INPP4B: variants seen among roughly 807,000 people sequenced by gnomAD.
INPP4B encodes the protein inositol polyphosphate-4-phosphatase type II B, also known as inositol polyphosphate 4-phosphatase type II.
In INPP4B, 55 loss-of-function variants were observed where a neutral mutation model predicts 122.5. The observed-to-expected ratio is 0.45, with a 90% CI of 0.36 to 0.56. The LOEUF is 0.56. Ranked by LOEUF, INPP4B falls within the 20% of genes least tolerant of loss-of-function variation. The probability of loss-of-function intolerance (pLI) is 0.00; values close to 1 mark genes in which losing one functional copy is unlikely to be tolerated. For synonymous variants in INPP4B, 403 were observed against 388.7 expected (o/e 1.04, Z -0.43); for missense variants, 1,000 against 1,097.7 (o/e 0.91, Z 1.26).
chr4:142,098,771 A>G (rs1413229116), intron 23 of INPP4B, among the ~76,000 whole-genome samples: 2 of 152,156 alleles, frequency 1.3e-5, no homozygotes, highest in African/African-American at 4.8e-5. Context: ...AACAAAGATT[A>G]AGGTGTTAAG....
intron 7 of INPP4B, among the ~76,000 whole-genome samples, chr4:142,357,486 A>G (rs1186493075): frequency 1.3e-5 from 2 of 151,972 alleles, no homozygotes; most frequent in Non-Finnish European, 2.9e-5. Context: ...TTTCCCATAT[A>G]TTTACATGGC....
Position 142,640,778 on chromosome 4 carries a change from C to CA in INPP4B, c.-191+85060dup, listed in dbSNP as rs199853133. Among the ~76,000 whole-genome samples, 284 of 142,416 alleles carry CA rather than the reference C, an allele frequency of 2.0e-3. 2 individuals carry two copies. The highest frequency in any genetic ancestry group is 0.017 in the East Asian group (84 of 4,888). 93.4% of individuals were successfully genotyped at this position (142,416 alleles called of 152,430 possible). On this transcript the variant is annotated intron_variant, in intron 2 of 25. Coordinates refer to ENST00000262992, the MANE Select transcript of INPP4B (RefSeq NM_001101669.3). Reference sequence around the variant, plus strand: ...GTCAAGGGACTTTGAAAAGCATTTTCAAAAAAAAAAGATAGCCAAATTGTC... The same window carrying CA: ...GTCAAGGGACTTTGAAAAGCATTTTCAAAAAAAAAAAGATAGCCAAATTGTC...
intron 2 of INPP4B, among the ~76,000 whole-genome samples, chr4:142,701,363 G>A (rs1021567171): frequency 2.0e-5 from 3 of 151,930 alleles, no homozygotes; most frequent in Admixed American, 2.0e-4. Flanking sequence ...AATGAGGAAG[G>A]TCAACTCTAA....
In INPP4B at chr4:142,698,896, C is replaced by T. The variant is rs181320310; in HGVS notation, c.-191+26943G>A. On this transcript the variant is annotated intron_variant, in intron 2 of 25. Coordinates refer to ENST00000262992, the MANE Select transcript of INPP4B (RefSeq NM_001101669.3). ...GAAGACACTTTTCTCCACTCTAGCTCAATAATTTTTTACTCCTACCCCTTC... is the reference window on the plus strand; with the variant it reads ...GAAGACACTTTTCTCCACTCTAGCTTAATAATTTTTTACTCCTACCCCTTC... 1.1e-3 allele frequency among the ~76,000 whole-genome samples: 166 copies of T among 152,274 alleles called. 2 individuals are homozygous for T. Among genetic ancestry groups the T allele is most frequent in the African/African-American group, 3.9e-3 (164 of 41,542 alleles).
chr4:142,042,538 GTATGTATGTATGTATGTATGTATT>G (rs1259157852), intron 25 of INPP4B, among the ~76,000 whole-genome samples: 17,818 of 113,936 alleles, frequency 0.16, 1,424 homozygotes, highest in Non-Finnish European at 0.24. Flanking sequence ...ATGTATGTAT[GTATGTATGTATGTATGTATGTATT>G]TATTTATTTA....
intron 12 of INPP4B, among the ~76,000 whole-genome samples, chr4:142,209,887 T>C (rs1262971585): frequency 2.0e-5 from 3 of 149,172 alleles, no homozygotes; most frequent in Non-Finnish European, 4.4e-5. Flanking sequence ...AAAAGGACAA[T>C]GTATGAAACT....
At chr4:142,710,259 G>T (rs1157380410) in intron 2 of INPP4B, among the ~76,000 whole-genome samples, 4 of 152,128 alleles carry the variant, frequency 2.6e-5, no homozygotes, top group Non-Finnish European at 5.9e-5. Flanking sequence ...GAATACATTT[G>T]GATTAGCTTT....
chr4:142,684,735 G>A (rs77780628), intron 2 of INPP4B, among the ~76,000 whole-genome samples: 2,586 of 152,028 alleles, frequency 0.017, 32 homozygotes, highest in Non-Finnish European at 0.031. Context: ...ATATTTAGCC[G>A]CAGCCATTTC....
chr4:142,640,681 T>G (rs1306512941), intron 2 of INPP4B, among the ~76,000 whole-genome samples: 1 of 151,888 alleles, frequency 6.6e-6, no homozygotes, highest in African/African-American at 2.4e-5. Flanking sequence ...GTCAGAAAGC[T>G]AGATAAGACA....
intron 10 of INPP4B, among the ~76,000 whole-genome samples, chr4:142,269,983 T>C (rs1744964342): frequency 6.6e-6 from 1 of 152,162 alleles, no homozygotes; most frequent in African/African-American, 2.4e-5. Context: ...AACAGGCAAT[T>C]GCATTCCTAA....
At chr4:142,786,070 G>T (rs1252735605) in intron 1 of INPP4B, among the ~76,000 whole-genome samples, 1 of 152,048 alleles carries the variant, frequency 6.6e-6, no homozygotes, top group African/African-American at 2.4e-5. Context: ...TCTGTCAACT[G>T]AGAGGACCTA....
At chr4:142,449,709 AAAAG>A (rs1299908926) in intron 3 of INPP4B, among the ~76,000 whole-genome samples, 3 of 152,146 alleles carry the variant, frequency 2.0e-5, no homozygotes, top group Non-Finnish European at 4.4e-5. Context: ...AAAAAAAAAA[AAAAG>A]AAAGTACATT....
At chr4:142,688,424 T>C (rs899748534) in intron 2 of INPP4B, among the ~76,000 whole-genome samples, 1 of 152,148 alleles carries the variant, frequency 6.6e-6, no homozygotes, top group Non-Finnish European at 1.5e-5. Flanking sequence ...CTTCCCATAA[T>C]ACTTTTCTCT....
At chr4:142,249,155 G>A (rs545713052) in intron 11 of INPP4B, among the ~76,000 whole-genome samples, 18 of 152,162 alleles carry the variant, frequency 1.2e-4, no homozygotes, top group African/African-American at 4.3e-4. Context: ...CCTCATCTTT[G>A]TTTGGATTCC....
chr4:142,577,364 C>T (rs551864789), intron 2 of INPP4B, among the ~76,000 whole-genome samples: 1 of 151,912 alleles, frequency 6.6e-6, no homozygotes, highest in African/African-American at 2.4e-5. Context: ...CAGTAAGATA[C>T]CATTGTATGT....
chr4:142,465,388 A>C (rs749774087), intron 2 of INPP4B, among the ~76,000 whole-genome samples: 1 of 152,222 alleles, frequency 6.6e-6, no homozygotes, highest in Non-Finnish European at 1.5e-5. Flanking sequence ...GTTATTTAAC[A>C]TTTATCATTA....
chr4:142,432,877 A>G (rs537503073), intron 3 of INPP4B, among the ~76,000 whole-genome samples: 10 of 152,296 alleles, frequency 6.6e-5, no homozygotes, highest in Non-Finnish European at 1.3e-4. Context: ...ATCGGTGAAT[A>G]ATTAATGAAA....
intron 11 of INPP4B, among the ~76,000 whole-genome samples, chr4:142,257,201 T>C (rs1736684830): frequency 6.6e-6 from 1 of 152,218 alleles, no homozygotes; most frequent in Admixed American, 6.5e-5. Context: ...TGACGGGACG[T>C]ATCTCAAAAT....
chr4:142,312,822 C>A (rs1290924042), intron 8 of INPP4B, among the ~76,000 whole-genome samples: 1 of 152,126 alleles, frequency 6.6e-6, no homozygotes, highest in Non-Finnish European at 1.5e-5. Flanking sequence ...ATATCTATAC[C>A]TGTGCCCATC....
Sources: gnomAD v4.1 joint callset for allele counts (sites outside exome capture counted in the v4.1 genomes callset) on GRCh38, gnomAD v4.1.1 for gene constraint, MANE v1.5 for transcripts, NCBI Gene and HGNC (gene_info 2026-07-23, HGNC 2026-07-21) for gene names.